The following SEMA5B variants were observed in gnomAD, a reference collection of about 807,000 sequenced individuals.
SEMA5B encodes the protein semaphorin 5B.
SEMA5B carries 66 observed loss-of-function variants against 135.0 expected under a neutral mutation model. The ratio of observed to expected loss-of-function variants is 0.49; its 90% CI spans 0.40 to 0.60. The LOEUF (loss-of-function observed/expected upper bound fraction) is 0.60, where lower values mean the gene tolerates loss of function less well. SEMA5B is among the 20% of genes least tolerant of loss of function. SEMA5B has a pLI of 0.00. For missense variants in SEMA5B, 1,501 were observed against 1,566.3 expected (o/e 0.96, Z 0.70); for synonymous variants, 690 against 639.5 (o/e 1.08, Z -1.19).
At chr3:123,001,208 G>A (rs1167211793) in intron 1 of SEMA5B, among the ~76,000 whole-genome samples, 2 of 152,152 alleles carry the variant, frequency 1.3e-5, no homozygotes, top group Non-Finnish European at 2.9e-5. Flanking sequence ...GTCTGAATGT[G>A]GGAATGACCA....
intron 1 of SEMA5B, among the ~76,000 whole-genome samples, chr3:122,961,924 T>C (rs2107607524): frequency 6.6e-6 from 1 of 152,352 alleles, no homozygotes; most frequent in South Asian, 2.1e-4. Context: ...TCTCAGTTTC[T>C]AGAGGCTGCC....
chr3:123,010,860 C>T (rs1393838411), intron 1 of SEMA5B, among the ~76,000 whole-genome samples: 2 of 151,376 alleles, frequency 1.3e-5, no homozygotes, highest in Non-Finnish European at 2.9e-5. Flanking sequence ...ATCATTTAGC[C>T]CAGAGCAGGT....
chr3:122,921,559 A>C (rs11923426), intron 12 of SEMA5B, among the ~76,000 whole-genome samples: 108,928 of 152,052 alleles, frequency 0.72, 40,283 homozygotes, highest in Middle Eastern at 0.85. Context: ...AAGATAAAGA[A>C]CTCTCTGTAC....
chr3:122,922,399 T>A lies in SEMA5B; in HGVS notation c.1321A>T (p.Ser441Cys). The A allele has an allele frequency of 6.2e-7, 1 of 1,611,500 alleles. No homozygotes were observed. Among genetic ancestry groups the A allele is most frequent in the Non-Finnish European group, 8.5e-7 (1 of 1,179,088 alleles). ...AAGAGGCGCTGCGCGTCCTGCAGGC[T>A]GCGCTCCGTCAGGTTCTCGTTGGGA... ...TGPNENLTER[S>C]LQDAQRLFLM... The change falls in exon 11 of 23, where the codon AGC becomes TGC. Residue 441 changes from serine to cysteine, a missense_variant. Ser to Cys is a moderately radical substitution (Grantham distance 112). Transcript: ENST00000357599.
chr3:122,910,458 G>A (rs949232926), intron 22 of SEMA5B, among the ~76,000 whole-genome samples, 157 bp from the exon 23 acceptor site: 2 of 152,148 alleles, frequency 1.3e-5, no homozygotes, highest in Non-Finnish European at 2.9e-5. Context: ...CCACCCAGCT[G>A]AGGGCCAGAA....
chr3:122,917,623 GGCAA>G (rs376467152), intron 12 of SEMA5B, among the ~76,000 whole-genome samples: 93 of 152,216 alleles, frequency 6.1e-4, no homozygotes, highest in African/African-American at 2.2e-3. Flanking sequence ...AGCAAAGGAG[GGCAA>G]AGAAGACAGT....
rs1354310290 is a variant in SEMA5B at position 122,929,375 on chromosome 3, G to GAGC, written c.475-320_475-318dup. ...AGATCTGCCCTCGGAGTCAGCCAGGGAGCTGGAAGTGGCCGAAGGACCTTC... is the reference window on the plus strand; with the variant it reads ...AGATCTGCCCTCGGAGTCAGCCAGGGAGCAGCTGGAAGTGGCCGAAGGACCTTC... On this transcript the variant is annotated intron_variant, in intron 5 of 22. Coordinates refer to ENST00000357599, the MANE Select transcript of SEMA5B (RefSeq NM_001031702.4). Among the ~76,000 whole-genome samples the GAGC allele has an allele frequency of 3.3e-5, 5 of 152,338 alleles. No homozygotes were observed. The East Asian group carries it at 9.6e-4, about 29-fold the overall frequency.
At chr3:122,999,765 C>G (rs1942125939) in intron 1 of SEMA5B, among the ~76,000 whole-genome samples, 1 of 152,188 alleles carries the variant, frequency 6.6e-6, no homozygotes, top group South Asian at 2.1e-4. Context: ...TTGGTCCCAA[C>G]TGGACATCCT....
Position 122,913,182 on chromosome 3 carries a change from C to A in SEMA5B, c.2506+17G>T, listed in dbSNP as rs1409605093. The A allele has an allele frequency of 1.3e-6, 2 of 1,538,860 alleles. No homozygotes were observed. The highest frequency in any genetic ancestry group is 2.4e-5 in the East Asian group (1 of 41,096). ...GGGCTGGGAGAGAGGAAGGAGGGGG[C>A]GCCGGGCGCGGGGTACCGTCGGTGT... On this transcript the variant is annotated intron_variant, in intron 17 of 22. Transcript: ENST00000357599.
chr3:122,990,129 G>T (rs189068596), intron 1 of SEMA5B, among the ~76,000 whole-genome samples: 2 of 152,268 alleles, frequency 1.3e-5, no homozygotes, highest in Admixed American at 1.3e-4. Flanking sequence ...TTGTTGGTTT[G>T]TGGCACCTGG....
chr3:122,966,841 A>AGCC (rs1428373272), intron 1 of SEMA5B, among the ~76,000 whole-genome samples: 1 of 147,986 alleles, frequency 6.8e-6, no homozygotes, highest in Non-Finnish European at 1.5e-5. Context: ...TACAGGCGTG[A>AGCC]GCCACCACAC....
chr3:122,932,772 T>C (rs1939046428), intron 5 of SEMA5B, among the ~76,000 whole-genome samples: 1 of 152,144 alleles, frequency 6.6e-6, no homozygotes, highest in Non-Finnish European at 1.5e-5. Flanking sequence ...TGTGTGTGTG[T>C]CTTTCTTTAA....
At chr3:122,923,365 T>A (rs1938467850) in intron 10 of SEMA5B, among the ~76,000 whole-genome samples, 1 of 152,212 alleles carries the variant, frequency 6.6e-6, no homozygotes, top group Non-Finnish European at 1.5e-5. Flanking sequence ...CTTCCCTGCC[T>A]CCCTGGAGGT....
chr3:122,985,774 C>T (rs1941678797), intron 1 of SEMA5B, among the ~76,000 whole-genome samples: 1 of 152,300 alleles, frequency 6.6e-6, no homozygotes, highest in Non-Finnish European at 1.5e-5. Context: ...ACAGGGTGGC[C>T]ACGCCAGCCT....
intron 5 of SEMA5B, among the ~76,000 whole-genome samples, chr3:122,934,150 A>AC (rs974130334): frequency 3.3e-5 from 5 of 150,402 alleles, no homozygotes; most frequent in African/African-American, 1.2e-4. Flanking sequence ...CAGGTGATCC[A>AC]CCCGCCTCGG....
intron 1 of SEMA5B, among the ~76,000 whole-genome samples, chr3:122,977,266 T>G (rs1356968235): frequency 6.6e-6 from 1 of 152,226 alleles, no homozygotes; most frequent in Non-Finnish European, 1.5e-5. Flanking sequence ...TAACAGAAAG[T>G]AATCCCTGAC....
At chr3:122,999,933 G>T (rs149843886) in intron 1 of SEMA5B, among the ~76,000 whole-genome samples, 298 of 152,326 alleles carry the variant, frequency 2.0e-3, no homozygotes, top group African/African-American at 6.9e-3. Context: ...GAACAGGTTG[G>T]GCATAGTGGC....
At chr3:122,966,535 G>A (rs1488354381) in intron 1 of SEMA5B, among the ~76,000 whole-genome samples, 1 of 105,232 alleles carries the variant, frequency 9.5e-6, no homozygotes, top group East Asian at 2.5e-4. Flanking sequence ...TTGTAAGAAT[G>A]TTTATTATTA....
chr3:122,944,576 C>T (rs1313540853), intron 3 of SEMA5B, among the ~76,000 whole-genome samples: 1 of 152,174 alleles, frequency 6.6e-6, no homozygotes, highest in Non-Finnish European at 1.5e-5. Context: ...CAAGATTCTG[C>T]AGAGGTGGGA....
Sources: gnomAD v4.1 joint callset for allele counts (sites outside exome capture counted in the v4.1 genomes callset) on GRCh38, gnomAD v4.1.1 for gene constraint, MANE v1.5 for transcripts, NCBI Gene and HGNC (gene_info 2026-07-23, HGNC 2026-07-21) for gene names.